Variants in SAMD12 observed in about 807,000 individuals in gnomAD.
The protein encoded by SAMD12 is sterile alpha motif domain-containing protein 12.
SAMD12 carries 9 observed loss-of-function variants against 15.0 expected under a neutral mutation model. The observed-to-expected ratio is 0.60, with a 90% CI of 0.36 to 1.05. The LOEUF is 1.05. Among genes scored for constraint, SAMD12 ranks in the 50% least tolerant of loss-of-function variants. The pLI, the probability that SAMD12 is intolerant of heterozygous loss-of-function variation, is 0.01. For missense variants in SAMD12, 230 were observed against 234.2 expected, an observed-to-expected ratio of 0.98 and a Z score of 0.12; for synonymous variants, 86 against 90.1, an observed-to-expected ratio of 0.96 and a Z score of 0.25.
chr8:118,388,201 C>T (rs903493172), intron 3 of SAMD12, among the ~76,000 whole-genome samples: 5 of 152,120 alleles, frequency 3.3e-5, no homozygotes, highest in South Asian at 2.1e-4. Flanking sequence ...GTGTGAAACC[C>T]GCAGCAAGGA....
At chr8:118,376,215 T>C (rs1410959569), downstream of SAMD12, among the ~76,000 whole-genome samples, 1 of 152,368 alleles carries the variant, frequency 6.6e-6, no homozygotes, top group Non-Finnish European at 1.5e-5. Context: ...TTGAAAGTGA[T>C]AACTCTTCTT....
chr8:118,271,076 T>C (rs1304481849), intron 4 of SAMD12, among the ~76,000 whole-genome samples: 5 of 152,138 alleles, frequency 3.3e-5, no homozygotes, highest in African/African-American at 1.2e-4. Context: ...ATAGAAAGAA[T>C]GTGAGGCTAA....
chr8:118,568,633 C>T (rs1826917739), intron 2 of SAMD12, among the ~76,000 whole-genome samples: 1 of 152,146 alleles, frequency 6.6e-6, no homozygotes, highest in Non-Finnish European at 1.5e-5. Flanking sequence ...TCACCTTGTA[C>T]AATCCAAAGC....
chr8:118,409,859 T>C (rs1185835557), intron 3 of SAMD12, among the ~76,000 whole-genome samples: 1 of 150,500 alleles, frequency 6.6e-6, no homozygotes. Context: ...GCACTAATCA[T>C]GTAAAAGCAA....
At chr8:118,360,434 G>A (rs1196746214) in intron 4 of SAMD12, among the ~76,000 whole-genome samples, 4 of 151,856 alleles carry the variant, frequency 2.6e-5, no homozygotes, top group Non-Finnish European at 5.9e-5. Context: ...GACTAAAACT[G>A]CCTATTTTAT....
intron 2 of SAMD12, among the ~76,000 whole-genome samples, chr8:118,506,609 A>G (rs13269467): frequency 0.42 from 63,617 of 151,700 alleles, 13,498 homozygotes; most frequent in Admixed American, 0.48. Context: ...AAAAGTACCT[A>G]GTAAATGACT....
At chr8:118,143,009 A>G in the SAMD12 span, among the ~76,000 whole-genome samples, 1 of 152,194 alleles carries the variant, frequency 6.6e-6, no homozygotes, top group Non-Finnish European at 1.5e-5. Context: ...TATGATGGTA[A>G]ACCTCTTCTG....
chr8:118,388,035 G>C lies in SAMD12; in HGVS notation c.323-8335C>G, dbSNP rs1400115399. On this transcript the variant is annotated intron_variant, in intron 3 of 3. Coordinates refer to ENST00000314727, the MANE Select transcript of SAMD12 (RefSeq NM_207506.3). ...TTTCCCTGCCAGAGGGACAAACATA[G>C]GTTCTTTGCAAGCCCATAAGAGGGG... Among the ~76,000 whole-genome samples the C allele has an allele frequency of 2.0e-5, 3 of 152,100 alleles. No individual in the cohort carries two copies. The East Asian group carries it at 5.8e-4, about 29-fold the overall frequency.
chr8:118,293,960 GCATA>G, intron 4 of SAMD12, among the ~76,000 whole-genome samples: 1 of 152,268 alleles, frequency 6.6e-6, no homozygotes, highest in Non-Finnish European at 1.5e-5. Flanking sequence ...GGCACTCAAG[GCATA>G]TCTCAAAGCT....
At chr8:118,358,108 G>T (rs1404286883) in intron 4 of SAMD12, among the ~76,000 whole-genome samples, 2 of 152,130 alleles carry the variant, frequency 1.3e-5, no homozygotes, top group Admixed American at 6.5e-5. Flanking sequence ...CTGCATTTTT[G>T]CACTCCAGCC....
At chr8:118,615,974 G>A (rs1828228949) in intron 1 of SAMD12, among the ~76,000 whole-genome samples, 1 of 152,186 alleles carries the variant, frequency 6.6e-6, no homozygotes, top group Non-Finnish European at 1.5e-5. Flanking sequence ...ACAGTCACTG[G>A]AAGGAATTTT....
intron 4 of SAMD12, among the ~76,000 whole-genome samples, chr8:118,264,570 T>C (rs1813155740): frequency 6.6e-6 from 1 of 151,796 alleles, no homozygotes; most frequent in South Asian, 2.1e-4. Context: ...AAGAGTGAAA[T>C]GGGTGAAGGT....
chr8:118,258,185 A>T (rs1051814152), intron 4 of SAMD12, among the ~76,000 whole-genome samples: 1 of 152,156 alleles, frequency 6.6e-6, no homozygotes, highest in African/African-American at 2.4e-5. Flanking sequence ...GCCATTCCCA[A>T]TCTGTGAATT....
intron 4 of SAMD12, chr8:118,284,336 A>C (rs1386991372): frequency 2.2e-6 from 1 of 456,286 alleles, no homozygotes; most frequent in African/African-American, 2.0e-5. Flanking sequence ...CCTTCTAACA[A>C]TATAACAATA....
chr8:118,313,955 C>A (rs1361542366), intron 4 of SAMD12, among the ~76,000 whole-genome samples: 2 of 151,592 alleles, frequency 1.3e-5, no homozygotes, highest in African/African-American at 4.8e-5. Flanking sequence ...ATGAATAATT[C>A]TGAATTTTTA....
chr8:118,566,019 GCT>G (rs569395674), intron 2 of SAMD12, among the ~76,000 whole-genome samples: 37 of 152,302 alleles, frequency 2.4e-4, no homozygotes, highest in African/African-American at 8.9e-4. Context: ...GTGCTTGCTA[GCT>G]CTTATTCAGC....
At chr8:118,305,144 CAAAAAAAAAA>C (rs56200866) in intron 4 of SAMD12, among the ~76,000 whole-genome samples, 9 of 48,886 alleles carry the variant, frequency 1.8e-4, no homozygotes, top group Middle Eastern at 0.022. Flanking sequence ...GACTCCCTGT[CAAAAAAAAAA>C]AAAAAAAAAA....
intron 4 of SAMD12, among the ~76,000 whole-genome samples, chr8:118,307,571 T>C (rs1013595472): frequency 3.9e-5 from 6 of 152,232 alleles, no homozygotes; most frequent in Non-Finnish European, 5.9e-5. Flanking sequence ...CTAGGCATAA[T>C]TCAGACATCA....
chr8:118,133,152 A>G, the SAMD12 span, among the ~76,000 whole-genome samples: 11 of 150,916 alleles, frequency 7.3e-5, no homozygotes, highest in African/African-American at 2.7e-4. Context: ...TCTCTGTTTT[A>G]TGTTTTTATT....
Sources: gnomAD v4.1 joint callset for allele counts (sites outside exome capture counted in the v4.1 genomes callset) on GRCh38, gnomAD v4.1.1 for gene constraint, MANE v1.5 for transcripts, NCBI Gene and HGNC (gene_info 2026-07-23, HGNC 2026-07-21) for gene names.